FHOD3: variants seen among roughly 807,000 people sequenced by gnomAD.
FHOD3 encodes formin homology 2 domain containing 3.
Under a neutral mutation model 173.0 loss-of-function variants are expected in FHOD3, and 90 were observed. The observed-to-expected ratio is 0.52, with a 90% CI of 0.44 to 0.62. The LOEUF is 0.62. Among genes scored for constraint, FHOD3 ranks in the 20% least tolerant of loss-of-function variants. The pLI is 0.00. For missense variants in FHOD3, 1,945 were observed against 2,034.7 expected, an observed-to-expected ratio of 0.96 and a Z score of 0.85; for synonymous variants, 828 against 823.0, an observed-to-expected ratio of 1.01 and a Z score of -0.10.
At chr18:36,553,392 T>A (rs1228779892) in intron 5 of FHOD3, among the ~76,000 whole-genome samples, 1 of 152,230 alleles carries the variant, frequency 6.6e-6, no homozygotes, top group East Asian at 1.9e-4. Flanking sequence ...TCAGAAGGAA[T>A]GGTACCAGCT....
chr18:36,541,907 A>G (rs1394491868), intron 5 of FHOD3, among the ~76,000 whole-genome samples: 1 of 152,216 alleles, frequency 6.6e-6, no homozygotes, highest in Non-Finnish European at 1.5e-5. Flanking sequence ...ATCTTCAGAT[A>G]ACAATGCTTT....
intron 5 of FHOD3, among the ~76,000 whole-genome samples, chr18:36,514,050 C>T (rs57066891): frequency 9.0e-5 from 10 of 111,660 alleles, no homozygotes; most frequent in Non-Finnish European, 1.4e-4. Flanking sequence ...GCTCTGTCAC[C>T]CAGGCTGGAG....
intron 5 of FHOD3, among the ~76,000 whole-genome samples, chr18:36,549,395 G>A (rs1182998747): frequency 6.6e-6 from 1 of 151,894 alleles, no homozygotes; most frequent in East Asian, 1.9e-4. Flanking sequence ...CCCCCAGTCT[G>A]TAGCTTATTT....
intron 3 of FHOD3, among the ~76,000 whole-genome samples, chr18:36,445,420 C>A (rs2051409358): frequency 6.6e-6 from 1 of 152,102 alleles, no homozygotes; most frequent in African/African-American, 2.4e-5. Flanking sequence ...CTTAAGCAGG[C>A]ATTTTATTTA....
rs2091840617 is a variant in FHOD3 at position 36,298,020 on chromosome 18, G to GGCTAGGACGCGGGCAGT, written c.165+20_165+21insGCTAGGACGCGGGCAGT. ...CACAAGGTACGACCCGGCGGGGTGG[G>GGCTAGGACGCGGGCAGT]CTGGGCCCCCTGGACTCAGCCCCCT... is the stretch of plus-strand genomic sequence containing the variant. On this transcript the variant is annotated intron_variant, in intron 1 of 28. Transcript: ENST00000590592. 6.6e-7 allele frequency: 1 copy of GGCTAGGACGCGGGCAGT among 1,508,432 alleles called. No homozygotes were observed. Among genetic ancestry groups the GGCTAGGACGCGGGCAGT allele is most frequent in the Non-Finnish European group, 8.9e-7 (1 of 1,128,882 alleles). The allele number at this position is 1,508,432 out of a possible 1,614,324, so 93.4% of individuals were successfully genotyped here.
intron 18 of FHOD3, chr18:36,710,868 G>GTTTT (rs2040134448): frequency 6.6e-6 from 1 of 152,164 alleles, no homozygotes; most frequent in African/African-American, 2.4e-5. Context: ...CTTAAATCAT[G>GTTTT]TTTTATTTAT....
chr18:36,692,892 G>A (rs1600266717), intron 16 of FHOD3: 1 of 337,618 alleles, frequency 3.0e-6, no homozygotes, highest in East Asian at 6.3e-5. Context: ...TTTTGGTGGT[G>A]GTTATTGCTG....
chr18:36,700,109 T>C (rs1192274836), intron 17 of FHOD3, among the ~76,000 whole-genome samples: 2 of 152,192 alleles, frequency 1.3e-5, no homozygotes, highest in African/African-American at 4.8e-5. Flanking sequence ...TGGTGGGTTT[T>C]TCTGAAGTTC....
chr18:36,465,999 G>A (rs745776274), intron 3 of FHOD3, among the ~76,000 whole-genome samples: 4 of 152,146 alleles, frequency 2.6e-5, no homozygotes, highest in African/African-American at 4.8e-5. Flanking sequence ...ACCACAATCC[G>A]GCTTTCTCAC....
intron 1 of FHOD3, among the ~76,000 whole-genome samples, chr18:36,326,386 T>G (rs928830274): frequency 6.6e-5 from 10 of 152,242 alleles, no homozygotes; most frequent in Non-Finnish European, 1.3e-4. Flanking sequence ...TTCTCATATA[T>G]GAAGTCAGAA....
In FHOD3 at chr18:36,741,445, G is replaced by C. The variant is rs967548972; in HGVS notation, c.3759+607G>C. Among the ~76,000 whole-genome samples the C allele has an allele frequency of 9.2e-5, 14 of 152,154 alleles. 1 individual carries two copies. Among genetic ancestry groups the C allele is most frequent in the Admixed American group, 8.5e-4 (13 of 15,284 alleles). On this transcript the variant is annotated intron_variant, in intron 21 of 28. Transcript: ENST00000590592. Reference sequence around the variant, plus strand: ...GGAAAGTGAACTGTGTGGGATCTTAGTTGAGAGGAAGTCTGCAGAAGAGAG... The same window carrying C: ...GGAAAGTGAACTGTGTGGGATCTTACTTGAGAGGAAGTCTGCAGAAGAGAG...
At position 36,299,717 on chromosome 18, in the gene FHOD3, C is replaced by T. The variant is rs1233088995; in HGVS notation, c.165+1717C>T. On this transcript the variant is annotated intron_variant, in intron 1 of 28. Transcript: ENST00000590592. ...TAGAAGCCCCAGCAGAGCAGTTGCACTGGCTTGCAGAACTTTCTAAGGTGT... is the reference window on the plus strand; with the variant it reads ...TAGAAGCCCCAGCAGAGCAGTTGCATTGGCTTGCAGAACTTTCTAAGGTGT... Among the ~76,000 whole-genome samples, 6 of 152,214 alleles carry T rather than the reference C, an allele frequency of 3.9e-5. No individual in the cohort carries two copies. In the South Asian group the frequency reaches 1.2e-3, roughly 32 times the overall value.
At chr18:36,474,121 A>G (rs2053429778) in intron 3 of FHOD3, among the ~76,000 whole-genome samples, 1 of 151,992 alleles carries the variant, frequency 6.6e-6, no homozygotes, top group Non-Finnish European at 1.5e-5. Context: ...TCCTTCTACT[A>G]CTTATGCATC....
chr18:36,602,435 G>A (rs2031514409), intron 7 of FHOD3, among the ~76,000 whole-genome samples: 1 of 152,188 alleles, frequency 6.6e-6, no homozygotes, highest in Admixed American at 6.5e-5. Context: ...AGACACTGAA[G>A]CGTACACAAT....
At chr18:36,632,335 G>A (rs1238439854) in intron 10 of FHOD3, among the ~76,000 whole-genome samples, 9 of 152,212 alleles carry the variant, frequency 5.9e-5, no homozygotes, top group Middle Eastern at 3.4e-3. Flanking sequence ...TGCTTCATTA[G>A]CTATTAACAT....
intron 16 of FHOD3, among the ~76,000 whole-genome samples, chr18:36,691,829 T>C (rs536188): frequency 0.67 from 100,887 of 151,600 alleles, 33,676 homozygotes; most frequent in African/African-American, 0.7. Context: ...CCCATCAGCC[T>C]GCAAATGCAA....
intron 3 of FHOD3, among the ~76,000 whole-genome samples, chr18:36,441,425 G>A (rs2051142203): frequency 6.6e-6 from 1 of 152,174 alleles, no homozygotes; most frequent in Non-Finnish European, 1.5e-5. Flanking sequence ...GAACATAGAG[G>A]ATGAGGACGA....
At chr18:36,771,000 A>C (rs966377956) in intron 28 of FHOD3, among the ~76,000 whole-genome samples, 2 of 152,214 alleles carry the variant, frequency 1.3e-5, no homozygotes, top group Non-Finnish European at 2.9e-5. Flanking sequence ...AGATTCCAAC[A>C]TCAATATCTA....
At chr18:36,439,905 C>A (rs989656726) in intron 3 of FHOD3, among the ~76,000 whole-genome samples, 1 of 152,148 alleles carries the variant, frequency 6.6e-6, no homozygotes, top group African/African-American at 2.4e-5. Flanking sequence ...AGATGATGCC[C>A]TCCCCATCCC....
Sources: allele counts gnomAD v4.1 joint callset (sites outside exome capture counted in the v4.1 genomes callset), GRCh38; gene constraint gnomAD v4.1.1; transcripts MANE v1.5; gene names NCBI Gene and HGNC (gene_info 2026-07-23, HGNC 2026-07-21).